Variants in CYRIB observed in about 807,000 individuals in gnomAD.
CYRIB encodes the protein CYFIP-related Rac1 interactor B.
CYRIB carries 8 observed loss-of-function variants against 44.2 expected under a neutral mutation model. The observed-to-expected ratio is 0.18, with a 90% CI of 0.11 to 0.33. CYRIB has a LOEUF of 0.33. Ranked by LOEUF, CYRIB falls within the 10% of genes least tolerant of loss-of-function variation. CYRIB has a pLI of 1.00. For missense variants in CYRIB, 185 were observed against 382.8 expected (o/e 0.48, Z 4.31); for synonymous variants, 131 against 127.2 (o/e 1.03, Z -0.20).
At chr8:129,923,464 G>A (rs1037339210) in intron 1 of CYRIB, among the ~76,000 whole-genome samples, 11 of 151,792 alleles carry the variant, frequency 7.2e-5, no homozygotes, top group South Asian at 4.2e-4. Flanking sequence ...TAGTAGAGAC[G>A]GAGTTTCACT....
At chr8:129,900,117 C>G (rs115523194) in intron 2 of CYRIB, among the ~76,000 whole-genome samples, 1 of 152,038 alleles carries the variant, frequency 6.6e-6, no homozygotes, top group Non-Finnish European at 1.5e-5. Flanking sequence ...ATGACTTGAA[C>G]GAGCTCAACT....
chr8:129,945,258 A>G (rs2094053005), intron 2 of CYRIB, among the ~76,000 whole-genome samples: 1 of 152,226 alleles, frequency 6.6e-6, no homozygotes, highest in Non-Finnish European at 1.5e-5. Flanking sequence ...TTGTTCATTC[A>G]TGTGTTCATG....
intron 2 of CYRIB, among the ~76,000 whole-genome samples, chr8:129,895,368 G>T (rs1431630801): frequency 7.0e-6 from 1 of 142,660 alleles, no homozygotes; most frequent in Non-Finnish European, 1.6e-5. Context: ...TTTCTTCTAG[G>T]ATCTAACATA....
upstream of CYRIB, among the ~76,000 whole-genome samples, chr8:129,940,808 G>A (rs2093631759): frequency 1.3e-5 from 2 of 152,212 alleles, no homozygotes; most frequent in African/African-American, 4.8e-5. Context: ...AGGCCCAACT[G>A]AAAATACTGT....
intron 2 of CYRIB, among the ~76,000 whole-genome samples, chr8:129,954,493 G>A (rs1456691551): frequency 6.6e-6 from 1 of 150,776 alleles, no homozygotes; most frequent in African/African-American, 2.4e-5. Flanking sequence ...AAAGTGCTGG[G>A]ATTACGTGCT....
chr8:129,863,106 TA>T (rs1433413915), intron 4 of CYRIB, among the ~76,000 whole-genome samples: 1 of 152,170 alleles, frequency 6.6e-6, no homozygotes, highest in Non-Finnish European at 1.5e-5. Context: ...ACTCAAAAAG[TA>T]AGACAATAAG....
At chr8:129,884,566 G>A (rs1055440304) in intron 2 of CYRIB, among the ~76,000 whole-genome samples, 2 of 152,188 alleles carry the variant, frequency 1.3e-5, no homozygotes, top group African/African-American at 4.8e-5. Context: ...AGGATTACAG[G>A]CGTGAGCCAC....
chr8:129,950,764 G>A (rs1244039774), intron 2 of CYRIB, among the ~76,000 whole-genome samples: 1 of 152,236 alleles, frequency 6.6e-6, no homozygotes, highest in East Asian at 1.9e-4. Flanking sequence ...GCCCACTGCA[G>A]CATTATTTAT....
At chr8:129,907,088 T>C (rs983213395) in intron 1 of CYRIB, among the ~76,000 whole-genome samples, 1 of 152,192 alleles carries the variant, frequency 6.6e-6, no homozygotes, top group Middle Eastern at 3.2e-3. Context: ...GACCCAGCCA[T>C]CCCATTACTG....
chr8:129,984,483 G>C (rs1413819574), intron 1 of CYRIB, among the ~76,000 whole-genome samples: 1 of 152,018 alleles, frequency 6.6e-6, no homozygotes, highest in Non-Finnish European at 1.5e-5. Context: ...CAGAGAGATG[G>C]GATGAGTCAC....
At chr8:129,948,068 C>T (rs1023813587) in intron 2 of CYRIB, 3 of 152,190 alleles carry the variant, frequency 2.0e-5, no homozygotes, top group African/African-American at 7.2e-5. Flanking sequence ...GTATTCCCCA[C>T]CGCCCATTCA....
chr8:129,876,642 C>A (rs76903835), intron 3 of CYRIB, among the ~76,000 whole-genome samples: 2,510 of 152,224 alleles, frequency 0.016, 58 homozygotes, highest in African/African-American at 0.053. Context: ...ATTTCAAATG[C>A]ACTAGAGTAT....
chr8:129,971,405 G>C (rs2095686161), intron 1 of CYRIB, among the ~76,000 whole-genome samples: 1 of 152,138 alleles, frequency 6.6e-6, no homozygotes, highest in South Asian at 2.1e-4. Context: ...GATAGCATTT[G>C]TACAGTCCAT....
chr8:129,854,000 A>C (rs188955746), intron 7 of CYRIB, among the ~76,000 whole-genome samples: 2 of 152,290 alleles, frequency 1.3e-5, no homozygotes, highest in Non-Finnish European at 2.9e-5. Flanking sequence ...ATGAGAGTAC[A>C]TCGCGAAATT....
intron 2 of CYRIB, among the ~76,000 whole-genome samples, chr8:129,962,106 G>A (rs1377731726): frequency 2.6e-5 from 4 of 151,992 alleles, no homozygotes; most frequent in Non-Finnish European, 5.9e-5. Flanking sequence ...AATTAGCCAC[G>A]CATGGTGCTG....
intron 2 of CYRIB, among the ~76,000 whole-genome samples, chr8:129,968,364 C>A (rs1352746855): frequency 6.6e-6 from 1 of 152,144 alleles, no homozygotes; most frequent in African/African-American, 2.4e-5. Context: ...CTTTTTCCAT[C>A]TTTCTTTACA....
intron 2 of CYRIB, among the ~76,000 whole-genome samples, chr8:129,887,700 C>T (rs190589731): frequency 1.3e-5 from 2 of 152,306 alleles, no homozygotes; most frequent in East Asian, 1.9e-4. Context: ...ATCAGTGTGG[C>T]CTGGATATGA....
chr8:129,859,866 T>C (rs2048394235), intron 5 of CYRIB, among the ~76,000 whole-genome samples: 1 of 152,264 alleles, frequency 6.6e-6, no homozygotes, highest in East Asian at 1.9e-4. Context: ...GAACAACTCG[T>C]GTCCTCGGTC....
At chr8:129,860,179 C>T (rs1282836363) in intron 5 of CYRIB, among the ~76,000 whole-genome samples, 1 of 152,202 alleles carries the variant, frequency 6.6e-6, no homozygotes, top group Non-Finnish European at 1.5e-5. Flanking sequence ...CATGATGGGA[C>T]ACACACCACG....
Sources: gnomAD v4.1 joint callset for allele counts (sites outside exome capture counted in the v4.1 genomes callset) on GRCh38, gnomAD v4.1.1 for gene constraint, MANE v1.5 for transcripts, NCBI Gene and HGNC (gene_info 2026-07-23, HGNC 2026-07-21) for gene names.